The following MACROD2 variants were observed in gnomAD, a reference collection of about 807,000 sequenced individuals.
MACROD2 encodes ADP-ribose glycohydrolase MACROD2.
Under a neutral mutation model 70.4 loss-of-function variants are expected in MACROD2, and 36 were observed. The observed-to-expected ratio is 0.51, with a 90% CI of 0.39 to 0.68. The LOEUF (loss-of-function observed/expected upper bound fraction) is 0.68, where lower values mean the gene tolerates loss of function less well. MACROD2 is among the 30% of genes least tolerant of loss of function. MACROD2 has a pLI of 0.00. For synonymous variants in MACROD2, 172 were observed against 178.8 expected (o/e 0.96, Z 0.30); for missense variants, 496 against 538.4 (o/e 0.92, Z 0.78).
chr20:15,574,092 TC>T (rs1458588778), intron 8 of MACROD2, among the ~76,000 whole-genome samples: 1 of 152,080 alleles, frequency 6.6e-6, no homozygotes, highest in African/African-American at 2.4e-5. Context: ...TTACCACTAA[TC>T]TCTGAGCATA....
chr20:15,505,873 T>C (rs1450055298), intron 8 of MACROD2, among the ~76,000 whole-genome samples: 4 of 152,056 alleles, frequency 2.6e-5, no homozygotes, highest in Non-Finnish European at 5.9e-5. Context: ...CCCGACATAA[T>C]TTTTTTTAAC....
At chr20:14,588,088 A>T (rs570879377) in intron 4 of MACROD2, among the ~76,000 whole-genome samples, 5 of 152,122 alleles carry the variant, frequency 3.3e-5, no homozygotes, top group Non-Finnish European at 7.4e-5. Context: ...TTATCTATGT[A>T]TATGTTTAGG....
Position 15,310,734 on chromosome 20 carries a change from T to A in MACROD2, c.540+80673T>A, listed in dbSNP as rs190424122. On this transcript the variant is annotated intron_variant, in intron 6 of 17. Transcript: ENST00000684519. The stretch of plus-strand genomic sequence containing the variant: ...TTGCAGAAACAGAGAAGTCCTCAGA[T>A]AAGGGAAAGGTGAAATCCAGTCAAG... 2.2e-4 allele frequency among the ~76,000 whole-genome samples: 34 copies of A among 152,150 alleles called. 3 individuals are homozygous for A. In the East Asian group the frequency reaches 6.6e-3, roughly 29 times the overall value.
Position 14,230,654 on chromosome 20 carries a change from T to TATATATATATATATATATATAAAA in MACROD2, c.271+144927_271+144928insTATATATATATATATATATAAAAA. 7.0e-4 allele frequency among the ~76,000 whole-genome samples: 52 copies of TATATATATATATATATATATAAAA among 74,224 alleles called. 4 individuals carry two copies. The highest frequency in any genetic ancestry group is 3.4e-3 in the African/African-American group (51 of 14,808). The allele number at this position is 74,224 out of a possible 152,430, so 48.7% of individuals were successfully genotyped here. On this transcript the variant is annotated intron_variant, in intron 3 of 17. Transcript: ENST00000684519. ...GTTTATATATATATATATATATATA[T>TATATATATATATATATATATAAAA]AACACAGGCTGGGCCTATATATATA... is the stretch of plus-strand genomic sequence containing the variant.
chr20:15,902,942 G>A (rs1433561627), intron 10 of MACROD2, among the ~76,000 whole-genome samples: 1 of 152,062 alleles, frequency 6.6e-6, no homozygotes, highest in Non-Finnish European at 1.5e-5. Context: ...TGTGTGGTGG[G>A]GGAAATTAGG....
chr20:15,597,220 G>GT (rs2048757477), intron 8 of MACROD2, among the ~76,000 whole-genome samples: 1 of 152,202 alleles, frequency 6.6e-6, no homozygotes, highest in African/African-American at 2.4e-5. Context: ...AGTGAGAAAA[G>GT]CTTCAGTAAG....
At chr20:15,132,215 G>C (rs1175667451) in intron 5 of MACROD2, among the ~76,000 whole-genome samples, 2 of 151,800 alleles carry the variant, frequency 1.3e-5, no homozygotes, top group African/African-American at 4.8e-5. Context: ...CTAAAATGAA[G>C]TAAAATAAAA....
intron 7 of MACROD2, among the ~76,000 whole-genome samples, chr20:15,478,014 G>A (rs2047045703): frequency 6.6e-6 from 1 of 152,236 alleles, no homozygotes; most frequent in African/African-American, 2.4e-5. Context: ...GCATGGATTT[G>A]CTCCAGTGCC....
At position 15,461,006 on chromosome 20, in the gene MACROD2, A is replaced by ATATATATATATATATTTTTTT; in HGVS notation, c.571+29572_571+29573insATATATATATATATTTTTTTT. On this transcript the variant is annotated intron_variant, in intron 7 of 17. Transcript: ENST00000684519. ...TATATATATATATATATATATATAT[A>ATATATATATATATATTTTTTT]TTTTTTTTTAATAGATGGGGTCTTG... Among the ~76,000 whole-genome samples the ATATATATATATATATTTTTTT allele has an allele frequency of 1.2e-3, 78 of 66,974 alleles. 1 individual carries two copies. The highest frequency in any genetic ancestry group is 2.7e-3 in the South Asian group (4 of 1,470). 43.9% of individuals were successfully genotyped at this position (66,974 alleles called of 152,430 possible). A position where few individuals can be genotyped will look rare whatever the true frequency, so the allele number is the denominator to read the frequency against.
intron 6 of MACROD2, among the ~76,000 whole-genome samples, chr20:15,251,452 G>T (rs546543470): frequency 2.0e-5 from 3 of 152,276 alleles, no homozygotes; most frequent in South Asian, 2.1e-4. Flanking sequence ...AGCATTTCAG[G>T]ATGAGGAGGC....
rs562134467 is a variant in MACROD2, at chr20:14,979,268, T to C, written c.419-250672T>C. Among the ~76,000 whole-genome samples the C allele has an allele frequency of 1.5e-3, 226 of 152,208 alleles. 3 individuals carry two copies. Among genetic ancestry groups the C allele is most frequent in the African/African-American group, 4.7e-3 (197 of 41,538 alleles). On this transcript the variant is annotated intron_variant, in intron 5 of 17. Transcript: ENST00000684519. ...AGTGCCTGAGCCCAGCTGTGATTTA[T>C]ATTTTAATGAACAAAAGATTAGAAT...
At chr20:14,788,895 AGTAG>A (rs1012587603) in intron 5 of MACROD2, among the ~76,000 whole-genome samples, 46 of 150,256 alleles carry the variant, frequency 3.1e-4, no homozygotes, top group African/African-American at 1.1e-3. Flanking sequence ...CAGCCCCCTG[AGTAG>A]CTAGGATTAC....
intron 8 of MACROD2, among the ~76,000 whole-genome samples, chr20:15,644,528 A>C (rs189647067): frequency 6.6e-6 from 1 of 152,180 alleles, no homozygotes; most frequent in Non-Finnish European, 1.5e-5. Context: ...AATGACAATA[A>C]TACTTCTTTC....
At chr20:14,822,107 A>G in intron 5 of MACROD2, among the ~76,000 whole-genome samples, 1 of 152,100 alleles carries the variant, frequency 6.6e-6, no homozygotes. Flanking sequence ...AGTACCATAG[A>G]CCTTTTAGAA....
Position 14,381,801 on chromosome 20 carries a change from C to T in MACROD2, c.272-111678C>T, listed in dbSNP as rs542207658. Among the ~76,000 whole-genome samples the T allele has an allele frequency of 3.3e-5, 5 of 152,292 alleles. No homozygotes were observed. The South Asian group carries it at 6.2e-4, about 19-fold the overall frequency. The stretch of plus-strand genomic sequence containing the variant: ...AAAGAAAAATTCTAAATTCAGCCCT[C>T]CTACTCCCATCCTTTGATAACACTC... On this transcript the variant is annotated intron_variant, in intron 3 of 17. Coordinates refer to ENST00000684519, the MANE Select transcript of MACROD2 (RefSeq NM_001351661.2).
At chr20:14,310,402 C>A (rs919146335) in intron 3 of MACROD2, among the ~76,000 whole-genome samples, 1 of 152,132 alleles carries the variant, frequency 6.6e-6, no homozygotes, top group East Asian at 1.9e-4. Flanking sequence ...CATATACAAT[C>A]ATGGTCCCAT....
chr20:15,543,799 G>A (rs1008299852), intron 8 of MACROD2, among the ~76,000 whole-genome samples: 2 of 152,218 alleles, frequency 1.3e-5, no homozygotes, highest in African/African-American at 4.8e-5. Flanking sequence ...ACTAAGGCTA[G>A]GTCTGGCCAG....
intron 3 of MACROD2, among the ~76,000 whole-genome samples, chr20:14,091,762 G>A (rs951095671): frequency 6.6e-6 from 1 of 152,064 alleles, no homozygotes; most frequent in Non-Finnish European, 1.5e-5. Flanking sequence ...TATTAATTCA[G>A]TAATTGTTCA....
intron 6 of MACROD2, among the ~76,000 whole-genome samples, chr20:15,328,919 AT>A (rs2077962039): frequency 1.3e-5 from 2 of 152,260 alleles, no homozygotes; most frequent in South Asian, 4.1e-4. Flanking sequence ...TATATATAAA[AT>A]AGTGATAAAT....
Sources: allele counts gnomAD v4.1 joint callset (sites outside exome capture counted in the v4.1 genomes callset), GRCh38; gene constraint gnomAD v4.1.1; transcripts MANE v1.5; gene names NCBI Gene and HGNC (gene_info 2026-07-23, HGNC 2026-07-21).